The following MACROD2 variants were observed in gnomAD, a reference collection of about 807,000 sequenced individuals.
The protein encoded by MACROD2 is ADP-ribose glycohydrolase MACROD2.
In MACROD2, 36 loss-of-function variants were observed where a neutral mutation model predicts 70.4. That is an observed-to-expected ratio of 0.51 (90% CI 0.39 to 0.68). The LOEUF (loss-of-function observed/expected upper bound fraction) is 0.68, where lower values mean the gene tolerates loss of function less well. Among genes scored for constraint, MACROD2 ranks in the 30% least tolerant of loss-of-function variants. The pLI, the probability that MACROD2 is intolerant of heterozygous loss-of-function variation, is 0.00. For missense variants in MACROD2, 496 were observed against 538.4 expected, an observed-to-expected ratio of 0.92 and a Z score of 0.78; for synonymous variants, 172 against 178.8, an observed-to-expected ratio of 0.96 and a Z score of 0.30.
At chr20:14,891,475 A>G (rs1377871367) in intron 5 of MACROD2, among the ~76,000 whole-genome samples, 1 of 152,196 alleles carries the variant, frequency 6.6e-6, no homozygotes, top group African/African-American at 2.4e-5. Context: ...CTAACAAGAT[A>G]ATAAATTCTT....
intron 3 of MACROD2, among the ~76,000 whole-genome samples, chr20:14,381,009 C>A (rs2083415401): frequency 6.6e-6 from 1 of 152,100 alleles, no homozygotes; most frequent in Admixed American, 6.6e-5. Context: ...AGAAAGATTT[C>A]TTTGCAAGCT....
chr20:15,774,648 G>T (rs1442558752), intron 8 of MACROD2, among the ~76,000 whole-genome samples: 1 of 152,118 alleles, frequency 6.6e-6, no homozygotes, highest in Non-Finnish European at 1.5e-5. Context: ...GCACTGGCCA[G>T]GGAGGGGGAG....
chr20:15,308,268 A>G (rs1239141163), intron 6 of MACROD2, among the ~76,000 whole-genome samples: 1 of 152,166 alleles, frequency 6.6e-6, no homozygotes, highest in African/African-American at 2.4e-5. Flanking sequence ...TATGTGAAAC[A>G]TTATTTCTGT....
rs60541726 is a variant in MACROD2, at chr20:15,823,574, A to T, written c.646-39171A>T. The stretch of plus-strand genomic sequence containing the variant: ...TCTTTTGAAAGCAGGAAAAAAAGAG[A>T]TTTACATTAAATAGCGGTCATCACG... On this transcript the variant is annotated intron_variant, in intron 8 of 17. Coordinates refer to ENST00000684519, the MANE Select transcript of MACROD2 (RefSeq NM_001351661.2). Among the ~76,000 whole-genome samples the T allele has an allele frequency of 2.5e-3, 381 of 152,240 alleles. 9 individuals are homozygous for T. In the East Asian group the frequency reaches 0.059, roughly 24 times the overall value.
chr20:15,473,577 C>T (rs1244167452), intron 7 of MACROD2, among the ~76,000 whole-genome samples: 1 of 152,188 alleles, frequency 6.6e-6, no homozygotes, highest in Non-Finnish European at 1.5e-5. Flanking sequence ...GTAGTGAGGA[C>T]AGCCATCCCT....
intron 3 of MACROD2, among the ~76,000 whole-genome samples, chr20:14,357,326 A>G (rs745918442): frequency 6.6e-6 from 1 of 152,328 alleles, no homozygotes; most frequent in African/African-American, 2.4e-5. Context: ...CTAAATGCAG[A>G]TTATGAGTGA....
intron 5 of MACROD2, among the ~76,000 whole-genome samples, chr20:14,741,270 C>T (rs989372151): frequency 2.0e-5 from 3 of 152,036 alleles, no homozygotes; most frequent in African/African-American, 7.2e-5. Context: ...TCCTTTAGAC[C>T]AAGCATCATG....
chr20:14,831,784 A>AG (rs1351406418), intron 5 of MACROD2, among the ~76,000 whole-genome samples: 1 of 130,806 alleles, frequency 7.6e-6, no homozygotes, highest in African/African-American at 3.5e-5. Flanking sequence ...CCGTCTCAAA[A>AG]AAAAAAAAAA....
chr20:15,499,501 GT>G (rs2047338772), intron 7 of MACROD2, among the ~76,000 whole-genome samples: 1 of 152,034 alleles, frequency 6.6e-6, no homozygotes, highest in South Asian at 2.1e-4. Flanking sequence ...ATGTAAATAT[GT>G]TTTTAATTGA....
At chr20:15,798,648 T>C (rs1358736805) in intron 8 of MACROD2, among the ~76,000 whole-genome samples, 1 of 152,198 alleles carries the variant, frequency 6.6e-6, no homozygotes, top group Non-Finnish European at 1.5e-5. Context: ...ATGGGAGATA[T>C]TTTTTGTAGC....
At chr20:15,021,892 C>T (rs2075189538) in intron 5 of MACROD2, among the ~76,000 whole-genome samples, 1 of 151,924 alleles carries the variant, frequency 6.6e-6, no homozygotes, top group South Asian at 2.1e-4. Context: ...ATGTACCACA[C>T]CAATGCAAGA....
intron 6 of MACROD2, among the ~76,000 whole-genome samples, chr20:15,271,590 G>T (rs146026472): frequency 6.6e-6 from 1 of 152,194 alleles, no homozygotes; most frequent in East Asian, 1.9e-4. Context: ...TACGTATAAT[G>T]TGCATAGCTC....
intron 3 of MACROD2, among the ~76,000 whole-genome samples, chr20:14,346,685 A>G (rs939275743): frequency 6.6e-6 from 1 of 152,206 alleles, no homozygotes; most frequent in African/African-American, 2.4e-5. Context: ...GGTGATGTCT[A>G]AGTAATCTGT....
At chr20:14,907,789 A>G (rs2073977363) in intron 5 of MACROD2, among the ~76,000 whole-genome samples, 3 of 152,080 alleles carry the variant, frequency 2.0e-5, no homozygotes. Context: ...CCAACGAAAG[A>G]GTTTAGATAT....
At chr20:14,367,135 TA>T (rs1454377952) in intron 3 of MACROD2, among the ~76,000 whole-genome samples, 2 of 152,216 alleles carry the variant, frequency 1.3e-5, no homozygotes, top group African/African-American at 2.4e-5. Flanking sequence ...TAGTTTGGAT[TA>T]ATGCCAACTT....
chr20:15,921,154 A>C (rs974856266), intron 10 of MACROD2, among the ~76,000 whole-genome samples: 4 of 152,078 alleles, frequency 2.6e-5, no homozygotes, highest in Non-Finnish European at 4.4e-5. Flanking sequence ...ACTCCCAGCA[A>C]AGGGCACAAA....
intron 4 of MACROD2, among the ~76,000 whole-genome samples, chr20:14,668,657 A>G (rs998814432): frequency 1.3e-5 from 2 of 152,196 alleles, no homozygotes; most frequent in African/African-American, 2.4e-5. Context: ...AAATGAGTAC[A>G]TGGGGATACA....
intron 10 of MACROD2, among the ~76,000 whole-genome samples, chr20:15,888,166 A>C (rs1413153347): frequency 6.6e-6 from 1 of 152,190 alleles, no homozygotes; most frequent in Non-Finnish European, 1.5e-5. Flanking sequence ...TGAGAGAATA[A>C]GACCTAAGAC....
Position 15,127,645 on chromosome 20 carries a change from A to G in MACROD2, c.419-102295A>G, listed in dbSNP as rs549380605. Among the ~76,000 whole-genome samples, 275 of 152,198 alleles carry G rather than the reference A, an allele frequency of 1.8e-3. 1 individual carries two copies. Among genetic ancestry groups the G allele is most frequent in the Middle Eastern group, 3.4e-3 (1 of 294 alleles). ...TATGGTCCTCTAAGTGAGGCTGCTCACCACTTGGCAACTGGCTTCTTCCCA... is the reference window on the plus strand; with the variant it reads ...TATGGTCCTCTAAGTGAGGCTGCTCGCCACTTGGCAACTGGCTTCTTCCCA... On this transcript the variant is annotated intron_variant, in intron 5 of 17. Coordinates refer to ENST00000684519, the MANE Select transcript of MACROD2 (RefSeq NM_001351661.2).
Sources: gnomAD v4.1 joint callset for allele counts (sites outside exome capture counted in the v4.1 genomes callset) on GRCh38, gnomAD v4.1.1 for gene constraint, MANE v1.5 for transcripts, NCBI Gene and HGNC (gene_info 2026-07-23, HGNC 2026-07-21) for gene names.